RABGAP1L: variants seen among roughly 807,000 people sequenced by gnomAD.
RABGAP1L encodes the protein rab GTPase-activating protein 1-like.
RABGAP1L carries 63 observed loss-of-function variants against 137.7 expected under a neutral mutation model. That is an observed-to-expected ratio of 0.46 (90% CI 0.37 to 0.56). The LOEUF is 0.56. Ranked by LOEUF, RABGAP1L falls within the 20% of genes least tolerant of loss-of-function variation. The pLI is 0.00. For missense variants in RABGAP1L, 1,095 were observed against 1,244.0 expected, an observed-to-expected ratio of 0.88 and a Z score of 1.80; for synonymous variants, 431 against 433.7, an observed-to-expected ratio of 0.99 and a Z score of 0.08.
chr1:174,394,922 C>G (rs1280607671), intron 13 of RABGAP1L, among the ~76,000 whole-genome samples: 1 of 149,518 alleles, frequency 6.7e-6, no homozygotes, highest in Non-Finnish European at 1.5e-5. Context: ...TTCTGAGTGC[C>G]TAGTATAATT....
chr1:174,350,892 C>A (rs1185110381), intron 11 of RABGAP1L, among the ~76,000 whole-genome samples: 7 of 104,618 alleles, frequency 6.7e-5, no homozygotes, highest in Non-Finnish European at 1.2e-4. Flanking sequence ...GGCTGGAGAC[C>A]GGCCCGGCCA....
At chr1:174,711,011 C>A (rs552951676) in intron 17 of RABGAP1L, among the ~76,000 whole-genome samples, 1 of 152,278 alleles carries the variant, frequency 6.6e-6, no homozygotes, top group South Asian at 2.1e-4. Context: ...AAGCCCTGCC[C>A]CACAGGGAGG....
At chr1:174,325,003 T>C (rs1318833794) in intron 11 of RABGAP1L, among the ~76,000 whole-genome samples, 1 of 152,136 alleles carries the variant, frequency 6.6e-6, no homozygotes, top group African/African-American at 2.4e-5. Flanking sequence ...TTTTAAGAAA[T>C]ATAAGAAGAG....
At chr1:174,366,050 T>G (rs1684583886) in intron 11 of RABGAP1L, among the ~76,000 whole-genome samples, 2 of 152,206 alleles carry the variant, frequency 1.3e-5, no homozygotes, top group African/African-American at 4.8e-5. Flanking sequence ...TATATTTTTG[T>G]CTTTGGATCT....
chr1:174,880,007 T>C (rs1448018389), intron 19 of RABGAP1L, among the ~76,000 whole-genome samples: 2 of 147,916 alleles, frequency 1.4e-5, no homozygotes, highest in African/African-American at 2.5e-5. Flanking sequence ...GCATGAGAAA[T>C]GCTTGAACCC....
At chr1:174,641,158 C>T (rs1342048877) in intron 14 of RABGAP1L, among the ~76,000 whole-genome samples, 1 of 151,940 alleles carries the variant, frequency 6.6e-6, no homozygotes, top group East Asian at 1.9e-4. Context: ...ATTTCAGTGA[C>T]AATAAGTTTA....
chr1:174,601,540 A>C (rs1010673539), intron 13 of RABGAP1L, among the ~76,000 whole-genome samples: 5 of 152,140 alleles, frequency 3.3e-5, no homozygotes, highest in Non-Finnish European at 7.4e-5. Context: ...AGAAATACCT[A>C]ATGTAAATGA....
At chr1:174,523,422 TA>T (rs1294655799) in intron 13 of RABGAP1L, among the ~76,000 whole-genome samples, 1 of 151,810 alleles carries the variant, frequency 6.6e-6, no homozygotes, top group East Asian at 1.9e-4. Flanking sequence ...AAAACAAACA[TA>T]AAAAGAAGCT....
chr1:174,694,769 C>T (rs1168176671), intron 15 of RABGAP1L, among the ~76,000 whole-genome samples: 4 of 151,614 alleles, frequency 2.6e-5, no homozygotes, highest in Admixed American at 6.6e-5. Flanking sequence ...CCTGAGGAAT[C>T]GCCACACTGA....
At position 174,879,019 on chromosome 1, in the gene RABGAP1L, C is replaced by T. The variant is rs190673632; in HGVS notation, c.2340+67059C>T. Among the ~76,000 whole-genome samples, 300 of 148,830 alleles carry T rather than the reference C, an allele frequency of 2.0e-3. 4 individuals carry two copies. Among genetic ancestry groups the T allele is most frequent in the African/African-American group, 7.1e-3 (286 of 40,256 alleles). ...CACGATTTCAGCTCACTGCAACCTC[C>T]GCCTTCTCAGGTTCAAGTGATTCTC... On this transcript the variant is annotated intron_variant, in intron 19 of 25. Coordinates refer to ENST00000681986, the MANE Select transcript of RABGAP1L (RefSeq NM_001366446.1).
intron 18 of RABGAP1L, among the ~76,000 whole-genome samples, chr1:174,790,576 G>C (rs1004669469): frequency 4.0e-5 from 6 of 151,734 alleles, no homozygotes; most frequent in Non-Finnish European, 8.8e-5. Flanking sequence ...AGAGGTTGCA[G>C]TGAGCCAAGA....
intron 24 of RABGAP1L, among the ~76,000 whole-genome samples, chr1:174,986,610 C>T (rs1488467492): frequency 1.3e-5 from 2 of 152,158 alleles, no homozygotes; most frequent in East Asian, 3.9e-4. Flanking sequence ...GCACGAGGCT[C>T]GGTAGAGTAA....
chr1:174,799,786 G>GCAGCAA (rs1206188235), intron 18 of RABGAP1L: 1 of 966,176 alleles, frequency 1.0e-6, no homozygotes, highest in Non-Finnish European at 1.2e-6. Context: ...AGCAGCAGCA[G>GCAGCAA]CAGCAACAAC....
intron 18 of RABGAP1L, among the ~76,000 whole-genome samples, chr1:174,773,260 A>G (rs74997544): frequency 0.021 from 3,221 of 152,182 alleles, 54 homozygotes; most frequent in Middle Eastern, 0.085. Flanking sequence ...GCATGGCGAC[A>G]TATGCCTGTA....
chr1:174,609,157 A>G (rs1192056775), intron 13 of RABGAP1L, among the ~76,000 whole-genome samples: 1 of 152,142 alleles, frequency 6.6e-6, no homozygotes, highest in African/African-American at 2.4e-5. Flanking sequence ...GGAAAAATGA[A>G]AGAGTTTTTA....
intron 19 of RABGAP1L, among the ~76,000 whole-genome samples, chr1:174,842,275 G>A (rs1398859397): frequency 6.6e-6 from 1 of 152,152 alleles, no homozygotes; most frequent in African/African-American, 2.4e-5. Flanking sequence ...GGGAAGTAGT[G>A]ATGCCTGTCT....
At chr1:174,446,248 G>T (rs1226457495) in intron 13 of RABGAP1L, among the ~76,000 whole-genome samples, 1 of 152,170 alleles carries the variant, frequency 6.6e-6, no homozygotes, top group Non-Finnish European at 1.5e-5. Flanking sequence ...TAGGTGAGAA[G>T]CATTACCTTA....
chr1:174,951,790 A>G (rs891171067), intron 19 of RABGAP1L, among the ~76,000 whole-genome samples: 1 of 152,146 alleles, frequency 6.6e-6, no homozygotes, highest in African/African-American at 2.4e-5. Context: ...CCATGGGCTC[A>G]GAAATGGAGA....
intron 18 of RABGAP1L, among the ~76,000 whole-genome samples, chr1:174,779,427 G>C (rs1573151078): frequency 6.6e-6 from 1 of 152,276 alleles, no homozygotes; most frequent in South Asian, 2.1e-4. Flanking sequence ...CAATTAAACT[G>C]TTTATTTTTT....
Sources: allele counts gnomAD v4.1 joint callset (sites outside exome capture counted in the v4.1 genomes callset), GRCh38; gene constraint gnomAD v4.1.1; transcripts MANE v1.5; gene names NCBI Gene and HGNC (gene_info 2026-07-23, HGNC 2026-07-21).